RABGEF1: variants seen among roughly 807,000 people sequenced by gnomAD.
RABGEF1 encodes the protein rab5 GDP/GTP exchange factor.
In RABGEF1, 26 loss-of-function variants were observed where a neutral mutation model predicts 57.3. That is an observed-to-expected ratio of 0.45 (90% CI 0.33 to 0.63). RABGEF1 has a LOEUF of 0.63. RABGEF1 is among the 20% of genes least tolerant of loss of function. The pLI is 0.02. For missense variants in RABGEF1, 464 were observed against 607.6 expected (o/e 0.76, Z 2.48); for synonymous variants, 185 against 210.7 (o/e 0.88, Z 1.06).
chr7:66,803,474 C>T (rs558495179), intron 7 of RABGEF1, among the ~76,000 whole-genome samples: 3 of 152,334 alleles, frequency 2.0e-5, no homozygotes, highest in East Asian at 1.9e-4. Context: ...CCCAGAGGTA[C>T]GCTGCCTCTC....
the RABGEF1 span, among the ~76,000 whole-genome samples, chr7:66,676,690 C>T: frequency 6.6e-6 from 1 of 152,134 alleles, no homozygotes; most frequent in Non-Finnish European, 1.5e-5. Context: ...TGGGCTCAAG[C>T]GATTCTGCCA....
intron 1 of RABGEF1, among the ~76,000 whole-genome samples, chr7:66,691,126 G>A (rs1489621982): frequency 6.6e-6 from 1 of 152,108 alleles, no homozygotes; most frequent in African/African-American, 2.4e-5. Flanking sequence ...ACCAAATGTT[G>A]CAGAGGATAT....
At chr7:66,730,737 T>G (rs1797222564) in intron 2 of RABGEF1, among the ~76,000 whole-genome samples, 1 of 152,102 alleles carries the variant, frequency 6.6e-6, no homozygotes, top group African/African-American at 2.4e-5. Flanking sequence ...TTTGTATTTT[T>G]GGTAGAGATG....
At chr7:66,693,427 G>A (rs1434025674) in intron 1 of RABGEF1, among the ~76,000 whole-genome samples, 2 of 152,142 alleles carry the variant, frequency 1.3e-5, no homozygotes, top group Non-Finnish European at 2.9e-5. Context: ...GGCAGGCCTG[G>A]CTCAGGGTGA....
At chr7:66,789,847 C>T (rs960206230) in intron 4 of RABGEF1, among the ~76,000 whole-genome samples, 6 of 152,128 alleles carry the variant, frequency 3.9e-5, no homozygotes, top group Non-Finnish European at 8.8e-5. Flanking sequence ...TGGTGCCATG[C>T]AGTCTCCTGG....
At chr7:66,802,785 T>A (rs1318944437) in intron 7 of RABGEF1, among the ~76,000 whole-genome samples, 1 of 152,208 alleles carries the variant, frequency 6.6e-6, no homozygotes, top group Non-Finnish European at 1.5e-5. Flanking sequence ...TCTCCCTTTT[T>A]CCACCCCAGC....
chr7:66,785,881 A>G (rs536833528), intron 4 of RABGEF1, among the ~76,000 whole-genome samples: 8 of 134,910 alleles, frequency 5.9e-5, no homozygotes, highest in East Asian at 1.9e-4. Context: ...CTGGGGGGGA[A>G]AAAAAAAAAG....
intron 1 of RABGEF1, among the ~76,000 whole-genome samples, chr7:66,767,190 A>T (rs1295391296): frequency 1.3e-5 from 2 of 151,192 alleles, no homozygotes; most frequent in Admixed American, 6.6e-5. Context: ...TTTAATAGAG[A>T]CGAGGTTTTG....
the RABGEF1 span, among the ~76,000 whole-genome samples, chr7:66,663,707 A>G: frequency 6.6e-6 from 1 of 152,058 alleles, no homozygotes; most frequent in South Asian, 2.1e-4. Flanking sequence ...TAACCTGCAC[A>G]TTGTGCACAT....
chr7:66,809,425 C>A lies in RABGEF1; in HGVS notation c.*141C>A. 4 of 876,514 alleles carry A rather than the reference C, an allele frequency of 4.6e-6. No individual in the cohort carries two copies. Among genetic ancestry groups the A allele is most frequent in the African/African-American group, 1.7e-5 (1 of 58,366 alleles). The allele number at this position is 876,514 out of a possible 1,614,324, so 54.3% of individuals were successfully genotyped here. A position where few individuals can be genotyped will look rare whatever the true frequency, so the allele number is the denominator to read the frequency against. On this transcript the variant is annotated 3_prime_UTR_variant, in exon 9 of 9. Transcript: ENST00000284957. ...AAGGTACAGTATATGGGGATTGTTT[C>A]GTTTTTCCTAGCAGGGGAACCTTAG...
intron 1 of RABGEF1, among the ~76,000 whole-genome samples, chr7:66,757,232 T>G (rs1159208343): frequency 6.6e-6 from 1 of 152,226 alleles, no homozygotes; most frequent in Non-Finnish European, 1.5e-5. Context: ...AGTGTTTACA[T>G]ATTGATGCTA....
At chr7:66,808,331 TCA>T (rs1211168390) in intron 8 of RABGEF1, among the ~76,000 whole-genome samples, 1 of 151,936 alleles carries the variant, frequency 6.6e-6, no homozygotes, top group Non-Finnish European at 1.5e-5. Flanking sequence ...TTCTCCTGCC[TCA>T]GTCTCCCAGG....
At chr7:66,702,451 A>G (rs548741073) in intron 1 of RABGEF1, among the ~76,000 whole-genome samples, 2 of 151,616 alleles carry the variant, frequency 1.3e-5, no homozygotes, top group African/African-American at 4.8e-5. Context: ...ACCTTCATCT[A>G]CAAGTTTTTG....
intron 2 of RABGEF1, among the ~76,000 whole-genome samples, chr7:66,734,233 G>A (rs565331718): frequency 1.3e-5 from 2 of 152,296 alleles, no homozygotes; most frequent in African/African-American, 4.8e-5. Context: ...GGGAGGCAAG[G>A]AGAGGCACGG....
At chr7:66,695,844 T>C (rs1181544423) in intron 1 of RABGEF1, among the ~76,000 whole-genome samples, 1 of 151,858 alleles carries the variant, frequency 6.6e-6, no homozygotes, top group Non-Finnish European at 1.5e-5. Context: ...CGAACGCCTG[T>C]AATTTCAGCT....
intron 2 of RABGEF1, among the ~76,000 whole-genome samples, chr7:66,718,513 A>G (rs1369586296): frequency 1.3e-5 from 2 of 151,916 alleles, no homozygotes; most frequent in Admixed American, 6.6e-5. Context: ...TGTGTTTTGG[A>G]TGTCTCAAAC....
intron 4 of RABGEF1, among the ~76,000 whole-genome samples, chr7:66,786,526 C>T (rs963962859): frequency 7.9e-5 from 12 of 152,156 alleles, no homozygotes; most frequent in African/African-American, 2.4e-4. Flanking sequence ...GCCTTAGTCT[C>T]CTGAGTAGCT....
intron 7 of RABGEF1, among the ~76,000 whole-genome samples, chr7:66,803,714 C>A (rs1787801801): frequency 1.3e-5 from 2 of 151,946 alleles, no homozygotes; most frequent in Middle Eastern, 3.2e-3. Context: ...TATGGTGAAA[C>A]CCCATCTCTA....
At chr7:66,756,524 AT>A (rs1802761642) in intron 1 of RABGEF1, among the ~76,000 whole-genome samples, 1 of 152,100 alleles carries the variant, frequency 6.6e-6, no homozygotes, top group South Asian at 2.1e-4. Flanking sequence ...TGTTAGTACT[AT>A]TTCTGAATTT....
Sources: allele counts gnomAD v4.1 joint callset (sites outside exome capture counted in the v4.1 genomes callset), GRCh38; gene constraint gnomAD v4.1.1; transcripts MANE v1.5; gene names NCBI Gene and HGNC (gene_info 2026-07-23, HGNC 2026-07-21).